KHDRBS2: variants seen among roughly 807,000 people sequenced by gnomAD.
KHDRBS2 encodes KH RNA binding domain containing, signal transduction associated 2.
In KHDRBS2, 26 loss-of-function variants were observed where a neutral mutation model predicts 44.3. The observed-to-expected ratio is 0.59, with a 90% CI of 0.43 to 0.81. KHDRBS2 has a LOEUF of 0.81. KHDRBS2 is among the 40% of genes least tolerant of loss of function. KHDRBS2 has a pLI of 0.00. For missense variants in KHDRBS2, 476 were observed against 433.1 expected, an observed-to-expected ratio of 1.10 and a Z score of -0.88; for synonymous variants, 194 against 151.1, an observed-to-expected ratio of 1.28 and a Z score of -2.08.
the KHDRBS2 span, among the ~76,000 whole-genome samples, chr6:61,559,260 C>T: frequency 1.3e-5 from 2 of 151,840 alleles, no homozygotes; most frequent in Non-Finnish European, 2.9e-5. Flanking sequence ...GTTTCCATGT[C>T]ATGGAATATT....
At chr6:62,031,394 G>T (rs1784312172) in intron 3 of KHDRBS2, among the ~76,000 whole-genome samples, 2 of 152,060 alleles carry the variant, frequency 1.3e-5, no homozygotes, top group Admixed American at 1.3e-4. Context: ...GGTAGAATTT[G>T]TCCTGTACCT....
At chr6:61,553,575 A>T in the KHDRBS2 span, among the ~76,000 whole-genome samples, 1 of 151,676 alleles carries the variant, frequency 6.6e-6, no homozygotes, top group Non-Finnish European at 1.5e-5. Context: ...TTGTTTCTCT[A>T]GTTCTTCTAT....
chr6:61,719,884 C>A (rs576085965), intron 7 of KHDRBS2, among the ~76,000 whole-genome samples: 1 of 152,010 alleles, frequency 6.6e-6, no homozygotes, highest in Non-Finnish European at 1.5e-5. Flanking sequence ...CCCACTAACT[C>A]GTCATCTAGC....
chr6:61,574,334 C>G, the KHDRBS2 span: 1 of 1,528,652 alleles, frequency 6.5e-7, no homozygotes, highest in Non-Finnish European at 8.8e-7. Flanking sequence ...ATGAATGGCT[C>G]GACGAGGTTT....
intron 3 of KHDRBS2, among the ~76,000 whole-genome samples, chr6:62,007,825 T>C (rs1473413023): frequency 6.6e-6 from 1 of 152,132 alleles, no homozygotes; most frequent in African/African-American, 2.4e-5. Context: ...ATATCTATGA[T>C]ATATTTATAA....
intron 6 of KHDRBS2, among the ~76,000 whole-genome samples, chr6:61,735,967 T>C (rs1025619465): frequency 2.6e-5 from 4 of 152,070 alleles, no homozygotes; most frequent in African/African-American, 9.7e-5. Flanking sequence ...TCTGCTGTTC[T>C]GAAATTACAG....
At chr6:61,955,225 T>C (rs555761316) in intron 4 of KHDRBS2, among the ~76,000 whole-genome samples, 87 of 145,940 alleles carry the variant, frequency 6.0e-4, no homozygotes, top group African/African-American at 2.0e-3. Flanking sequence ...TATGTGTATA[T>C]ATACACATAC....
intron 2 of KHDRBS2, among the ~76,000 whole-genome samples, chr6:62,068,382 T>C (rs539771300): frequency 7.3e-5 from 11 of 151,678 alleles, no homozygotes; most frequent in African/African-American, 2.7e-4. Flanking sequence ...TATTGAGATA[T>C]GAGTTATTTA....
chr6:61,782,585 CAA>C (rs969468628), intron 6 of KHDRBS2, among the ~76,000 whole-genome samples: 6 of 150,974 alleles, frequency 4.0e-5, no homozygotes, highest in Non-Finnish European at 7.4e-5. Flanking sequence ...CATTTGTGCT[CAA>C]GATTGTGTAT....
chr6:61,828,989 G>A (rs1348161481), intron 6 of KHDRBS2, among the ~76,000 whole-genome samples: 1 of 152,328 alleles, frequency 6.6e-6, no homozygotes, highest in Admixed American at 6.5e-5. Flanking sequence ...CTAAGTACAA[G>A]CAAAATGATT....
chr6:61,709,215 T>C (rs1770084413), intron 7 of KHDRBS2, among the ~76,000 whole-genome samples: 1 of 151,708 alleles, frequency 6.6e-6, no homozygotes, highest in Non-Finnish European at 1.5e-5. Context: ...TTTCATCTTC[T>C]TGAAATATTC....
chr6:61,965,836 T>C (rs1769801873), intron 4 of KHDRBS2, among the ~76,000 whole-genome samples: 2 of 151,936 alleles, frequency 1.3e-5, no homozygotes, highest in African/African-American at 4.8e-5. Context: ...GTCACTTAAA[T>C]TGGAAGGAGA....
At chr6:62,163,580 A>T (rs541159583) in intron 2 of KHDRBS2, among the ~76,000 whole-genome samples, 1 of 152,076 alleles carries the variant, frequency 6.6e-6, no homozygotes, top group Non-Finnish European at 1.5e-5. Context: ...GGAGAAATAC[A>T]TCTGCTTTTC....
chr6:61,769,495 C>T (rs1216118370), intron 6 of KHDRBS2, among the ~76,000 whole-genome samples: 9 of 152,296 alleles, frequency 5.9e-5, no homozygotes, highest in South Asian at 2.1e-4. Context: ...GCTTAAAAAA[C>T]GGCACACCAG....
chr6:61,921,466 A>T (rs767940664), intron 4 of KHDRBS2, among the ~76,000 whole-genome samples: 47 of 152,054 alleles, frequency 3.1e-4, no homozygotes, highest in Admixed American at 3.3e-4. Flanking sequence ...TCTGGTTGGC[A>T]ACTTTCCTGG....
chr6:62,113,323 A>AC (rs1451179286), intron 2 of KHDRBS2, among the ~76,000 whole-genome samples: 2 of 152,150 alleles, frequency 1.3e-5, no homozygotes, highest in African/African-American at 4.8e-5. Flanking sequence ...AAACAGTGTC[A>AC]CAGTATATTT....
intron 8 of KHDRBS2, among the ~76,000 whole-genome samples, chr6:61,688,126 A>G (rs1357567526): frequency 6.6e-6 from 1 of 151,922 alleles, no homozygotes; most frequent in African/African-American, 2.4e-5. Context: ...ACTCTGCTGT[A>G]TAGTATCCTG....
chr6:62,121,384 C>G (rs1807598324), intron 2 of KHDRBS2, among the ~76,000 whole-genome samples: 1 of 152,234 alleles, frequency 6.6e-6, no homozygotes, highest in Admixed American at 6.5e-5. Context: ...GTTCGACTCT[C>G]CTATTTGTCC....
chr6:61,734,383 T>C (rs1160514319), intron 6 of KHDRBS2, among the ~76,000 whole-genome samples: 1 of 152,124 alleles, frequency 6.6e-6, no homozygotes, highest in East Asian at 1.9e-4. Flanking sequence ...GTCCCCAAAA[T>C]AGTAGTTCCT....
Sources: allele counts gnomAD v4.1 joint callset (sites outside exome capture counted in the v4.1 genomes callset), GRCh38; gene constraint gnomAD v4.1.1; transcripts MANE v1.5; gene names NCBI Gene and HGNC (gene_info 2026-07-23, HGNC 2026-07-21).